The following CHRM2 variants were observed in gnomAD, a reference collection of about 807,000 sequenced individuals.
CHRM2 encodes muscarinic acetylcholine receptor M2.
In CHRM2, 8 loss-of-function variants were observed where a neutral mutation model predicts 25.0. That is an observed-to-expected ratio of 0.32 (90% CI 0.19 to 0.58). The LOEUF is 0.58. CHRM2 is among the 20% of genes least tolerant of loss of function. CHRM2 has a pLI of 0.88. For missense variants in CHRM2, 440 were observed against 567.1 expected (o/e 0.78, Z 2.28); for synonymous variants, 202 against 205.7 (o/e 0.98, Z 0.15).
At chr7:136,894,817 C>T (rs1474050311) in intron 2 of CHRM2, among the ~76,000 whole-genome samples, 1 of 152,056 alleles carries the variant, frequency 6.6e-6, no homozygotes, top group Non-Finnish European at 1.5e-5. Flanking sequence ...CCATCCATCC[C>T]CAGGAATTCA....
rs760040127 is a variant in CHRM2 at position 137,015,787 on chromosome 7, G to A, written c.922G>A (p.Val308Ile). Residue 308 changes from valine to isoleucine, a missense_variant, in exon 4 of 4, where the codon GTT (valine) becomes ATT (isoleucine). Transcript: ENST00000680005. This position sits in a 1 kb window ranked among gnomAD's most constrained non-coding sequence, Gnocchi z 5.1. ...DDEITQDENT[V>I]STSLGHSKDE... ...TGAAATAACCCAGGATGAAAACACA[G>A]TTTCCACTTCCCTGGGCCATTCCAA... 1.2e-6 allele frequency: 2 copies of A among 1,613,000 alleles called. No individual in the cohort carries two copies. The highest frequency in any genetic ancestry group is 1.7e-6 in the Non-Finnish European group (2 of 1,179,486).
intron 2 of CHRM2, among the ~76,000 whole-genome samples, chr7:136,917,925 T>C (rs1430748627): frequency 6.6e-6 from 1 of 152,082 alleles, no homozygotes; most frequent in Non-Finnish European, 1.5e-5. Context: ...ATGTGCATAA[T>C]GTACCTAATG....
At chr7:136,988,493 T>C (rs1428670881) in intron 2 of CHRM2, among the ~76,000 whole-genome samples, 1 of 152,200 alleles carries the variant, frequency 6.6e-6, no homozygotes. Context: ...AACAATTTTA[T>C]AGATTTTTTT....
intron 2 of CHRM2, among the ~76,000 whole-genome samples, chr7:136,879,844 G>A (rs943888421): frequency 1.1e-4 from 16 of 151,804 alleles, no homozygotes; most frequent in African/African-American, 3.9e-4. Flanking sequence ...AAGAAAGGCG[G>A]CCATCTTTAT....
intron 2 of CHRM2, among the ~76,000 whole-genome samples, chr7:136,882,278 C>G (rs1383417284): frequency 6.6e-6 from 1 of 152,084 alleles, no homozygotes; most frequent in East Asian, 1.9e-4. Context: ...TATTCAACTC[C>G]TTTATACAAC....
chr7:136,984,713 C>G (rs1802727776), intron 2 of CHRM2, among the ~76,000 whole-genome samples: 2 of 152,036 alleles, frequency 1.3e-5, no homozygotes, highest in Admixed American at 6.6e-5. Flanking sequence ...TTCCCTGACC[C>G]CTTGCACTTC....
chr7:136,940,051 A>C (rs931637725), intron 2 of CHRM2, among the ~76,000 whole-genome samples: 1 of 152,244 alleles, frequency 6.6e-6, no homozygotes, highest in African/African-American at 2.4e-5. Context: ...AGAGCTGAAC[A>C]GGATAGTTTT....
intron 3 of CHRM2, among the ~76,000 whole-genome samples, chr7:137,011,387 G>A (rs767033207): frequency 5.3e-5 from 8 of 151,890 alleles, no homozygotes; most frequent in African/African-American, 1.7e-4. Flanking sequence ...GAATGAGGCC[G>A]AAAGCTTCAG....
At chr7:136,978,264 A>T (rs1399109372) in intron 2 of CHRM2, among the ~76,000 whole-genome samples, 2 of 152,206 alleles carry the variant, frequency 1.3e-5, no homozygotes, top group East Asian at 3.8e-4. Context: ...AATGTTTAAG[A>T]AACTTTATTT....
intron 2 of CHRM2, among the ~76,000 whole-genome samples, chr7:136,962,378 G>A (rs1193733067): frequency 1.3e-5 from 2 of 152,106 alleles, no homozygotes; most frequent in East Asian, 3.9e-4. Context: ...CAAGTGATCA[G>A]CCTGTCTCAG....
At chr7:136,979,626 G>A (rs1030451184) in intron 2 of CHRM2, among the ~76,000 whole-genome samples, 3 of 152,136 alleles carry the variant, frequency 2.0e-5, no homozygotes, top group African/African-American at 7.2e-5. Flanking sequence ...TTTTGTGTAA[G>A]GTGTAAAGAA....
intron 2 of CHRM2, among the ~76,000 whole-genome samples, chr7:136,958,025 G>A (rs947907302): frequency 1.2e-4 from 18 of 152,132 alleles, no homozygotes; most frequent in African/African-American, 4.1e-4. Context: ...TTGATATTAT[G>A]TAATCTATTC....
At chr7:137,009,010 A>G (rs183455954) in intron 3 of CHRM2, among the ~76,000 whole-genome samples, 80 of 152,232 alleles carry the variant, frequency 5.3e-4, no homozygotes, top group Non-Finnish European at 1.0e-3. Flanking sequence ...ACTGGAAAAG[A>G]TAATAGTCAT....
At chr7:136,935,387 G>A (rs921429449) in intron 2 of CHRM2, among the ~76,000 whole-genome samples, 14 of 152,130 alleles carry the variant, frequency 9.2e-5, no homozygotes, top group Non-Finnish European at 1.6e-4. Context: ...AGTACCCCAG[G>A]CAAAACAGTA....
chr7:137,004,153 C>T (rs74461513), intron 3 of CHRM2, among the ~76,000 whole-genome samples: 1 of 152,120 alleles, frequency 6.6e-6, no homozygotes, highest in East Asian at 1.9e-4. Flanking sequence ...CATTTGCTGT[C>T]TACTGGAAGA....
intron 2 of CHRM2, among the ~76,000 whole-genome samples, chr7:136,906,719 A>C (rs2130657613): frequency 1.3e-5 from 2 of 151,880 alleles, no homozygotes; most frequent in Admixed American, 1.3e-4. Context: ...TATGAAGGTC[A>C]GTGGTCACTT....
chr7:136,938,291 G>A lies in CHRM2; in HGVS notation c.-124-53896G>A, dbSNP rs576578396. ...GAAGAGTGCTTCAGCTGCCGCCTAA[G>A]GTTGTTGATGTAGCTCTCGAACATG... On this transcript the variant is annotated intron_variant, in intron 2 of 3. Coordinates refer to ENST00000680005, the MANE Select transcript of CHRM2 (RefSeq NM_001006630.2). The A allele has an allele frequency of 1.1e-4, 118 of 1,069,356 alleles. No individual in the cohort carries two copies. In the East Asian group the frequency reaches 2.6e-3, roughly 24 times the overall value. 66.2% of individuals were successfully genotyped at this position (1,069,356 alleles called of 1,614,324 possible).
chr7:137,019,083 ATAT>A lies in CHRM2; in HGVS notation c.*2822_*2824del, dbSNP rs1191620159. On this transcript the variant is annotated 3_prime_UTR_variant, in exon 4 of 4. Coordinates refer to ENST00000680005, the MANE Select transcript of CHRM2 (RefSeq NM_001006630.2). The stretch of plus-strand genomic sequence containing the variant: ...ATTTTCCCCCAACCCCTTTAAACAA[ATAT>A]TATTTGGCTCAAAATGTCAATAGTT... 3 of 151,922 alleles carry A rather than the reference ATAT, an allele frequency of 2.0e-5. No individual in the cohort carries two copies. Among genetic ancestry groups the A allele is most frequent in the African/African-American group, 7.2e-5 (3 of 41,418 alleles). The allele number at this position is 151,922 out of a possible 1,614,324, so 9.4% of individuals were successfully genotyped here.
chr7:136,899,876 T>C (rs1797104252), intron 2 of CHRM2: 1 of 152,108 alleles, frequency 6.6e-6, no homozygotes, highest in Non-Finnish European at 1.5e-5. Flanking sequence ...AAACCATAGA[T>C]ATGAATACAC....
Sources: gnomAD v4.1 joint callset for allele counts (sites outside exome capture counted in the v4.1 genomes callset) on GRCh38, gnomAD v4.1.1 for gene constraint, Gnocchi (gnomAD v3.1) non-coding constraint, MANE v1.5 for transcripts, NCBI Gene and HGNC (gene_info 2026-07-23, HGNC 2026-07-21) for gene names.